The following SYNPR variants were observed in gnomAD, a reference collection of about 807,000 sequenced individuals.
The protein encoded by SYNPR is synaptoporin.
A neutral mutation model predicts 32.9 loss-of-function variants in SYNPR; 23 were observed. The observed-to-expected ratio is 0.70, with a 90% CI of 0.50 to 0.99. The LOEUF (loss-of-function observed/expected upper bound fraction) is 0.99. Among genes scored for constraint, SYNPR ranks in the 50% least tolerant of loss-of-function variants. The probability of loss-of-function intolerance (pLI) is 0.00; values close to 1 mark genes in which losing one functional copy is unlikely to be tolerated. For synonymous variants in SYNPR, 146 were observed against 135.9 expected (o/e 1.07, Z -0.52); for missense variants, 318 against 349.3 (o/e 0.91, Z 0.71).
chr3:63,510,693 G>C (rs12053826), intron 3 of SYNPR, among the ~76,000 whole-genome samples: 3 of 152,080 alleles, frequency 2.0e-5, no homozygotes, highest in African/African-American at 4.8e-5. Context: ...CTCTCAAGGC[G>C]TGTGAATTTT....
chr3:63,350,045 T>A (rs908156512), intron 2 of SYNPR, among the ~76,000 whole-genome samples: 6 of 152,212 alleles, frequency 3.9e-5, no homozygotes, highest in African/African-American at 1.4e-4. Context: ...AAACTAAAGC[T>A]AACTGATAAG....
chr3:63,442,246 G>C (rs1332066351), intron 2 of SYNPR, among the ~76,000 whole-genome samples: 3 of 127,224 alleles, frequency 2.4e-5, no homozygotes, highest in South Asian at 2.7e-4. Flanking sequence ...AGATAGGAAG[G>C]AAAGCGAGAG....
intron 4 of SYNPR, among the ~76,000 whole-genome samples, chr3:63,577,948 T>C (rs949226217): frequency 6.6e-6 from 1 of 152,104 alleles, no homozygotes; most frequent in African/African-American, 2.4e-5. Flanking sequence ...TATTACGAGG[T>C]AATGGCAACA....
intron 1 of SYNPR, among the ~76,000 whole-genome samples, chr3:63,234,656 G>T (rs1479762009): frequency 6.6e-6 from 1 of 152,306 alleles, no homozygotes. Flanking sequence ...GAAAGAAGTA[G>T]ACTTTCTAAG....
chr3:63,581,774 C>G (rs1302790732), intron 4 of SYNPR, among the ~76,000 whole-genome samples: 1 of 151,850 alleles, frequency 6.6e-6, no homozygotes, highest in Non-Finnish European at 1.5e-5. Flanking sequence ...TACTTTGACT[C>G]TTGCTGGTTT....
At chr3:63,251,487 G>A (rs1355855686) in intron 1 of SYNPR, among the ~76,000 whole-genome samples, 4 of 152,134 alleles carry the variant, frequency 2.6e-5, no homozygotes, top group South Asian at 2.1e-4. Context: ...CCTGGAAAAT[G>A]ACAAGATCCA....
At chr3:63,375,979 T>G (rs2107060517) in intron 2 of SYNPR, among the ~76,000 whole-genome samples, 1 of 152,316 alleles carries the variant, frequency 6.6e-6, no homozygotes, top group African/African-American at 2.4e-5. Context: ...TGTCAGTAAG[T>G]AGCACCACCA....
chr3:63,255,783 C>T (rs1339237183), intron 2 of SYNPR, among the ~76,000 whole-genome samples: 1 of 151,940 alleles, frequency 6.6e-6, no homozygotes, highest in Non-Finnish European at 1.5e-5. Context: ...CGAGTGTGAG[C>T]AGGAAGTGCA....
At chr3:63,322,358 CT>C (rs1253217256) in intron 2 of SYNPR, among the ~76,000 whole-genome samples, 41 of 152,044 alleles carry the variant, frequency 2.7e-4, no homozygotes, top group Admixed American at 2.7e-3. Flanking sequence ...ACTTATTAAT[CT>C]CCCATAGATG....
At chr3:63,544,718 G>GT (rs1440993416) in intron 3 of SYNPR, among the ~76,000 whole-genome samples, 2 of 152,050 alleles carry the variant, frequency 1.3e-5, no homozygotes, top group African/African-American at 2.4e-5. Flanking sequence ...TTCTAAAAGA[G>GT]TTTGGATTTT....
intron 2 of SYNPR, among the ~76,000 whole-genome samples, chr3:63,474,708 G>T (rs1293769072): frequency 6.6e-6 from 1 of 152,130 alleles, no homozygotes; most frequent in African/African-American, 2.4e-5. Flanking sequence ...ACTCAACTTA[G>T]TGGTACCAAC....
intron 2 of SYNPR, among the ~76,000 whole-genome samples, chr3:63,394,647 G>C (rs1367218012): frequency 6.6e-6 from 1 of 152,052 alleles, no homozygotes; most frequent in Non-Finnish European, 1.5e-5. Flanking sequence ...ATGCTCCCCA[G>C]ATATCCCTAA....
chr3:63,522,161 G>A (rs1701928963), intron 3 of SYNPR, among the ~76,000 whole-genome samples: 1 of 152,220 alleles, frequency 6.6e-6, no homozygotes, highest in African/African-American at 2.4e-5. Context: ...GCTGAGCACA[G>A]ATGAGCACAG....
At chr3:63,462,458 A>G (rs1700601757) in intron 2 of SYNPR, among the ~76,000 whole-genome samples, 1 of 152,138 alleles carries the variant, frequency 6.6e-6, no homozygotes. Flanking sequence ...ATGTCTGCAT[A>G]CCTCTGATAA....
At chr3:63,421,732 T>G (rs1046735142) in intron 2 of SYNPR, among the ~76,000 whole-genome samples, 1 of 152,170 alleles carries the variant, frequency 6.6e-6, no homozygotes, top group African/African-American at 2.4e-5. Flanking sequence ...ATCTGAGGCT[T>G]TAGGTCCTCT....
At chr3:63,468,515 A>ACACACACACACACACACACACAC (rs1559508057) in intron 2 of SYNPR, among the ~76,000 whole-genome samples, 1 of 151,842 alleles carries the variant, frequency 6.6e-6, no homozygotes, top group African/African-American at 2.4e-5. Context: ...ACACACACAC[A>ACACACACACACACACACACACAC]AATGCTTAAG....
chr3:63,343,923 G>A (rs562959820), intron 2 of SYNPR, among the ~76,000 whole-genome samples: 4 of 152,306 alleles, frequency 2.6e-5, no homozygotes, highest in African/African-American at 4.8e-5. Context: ...TGTCTATGCC[G>A]GAAACGGCTT....
chr3:63,225,399 A>C (rs949328539), upstream of SYNPR, among the ~76,000 whole-genome samples: 2 of 152,176 alleles, frequency 1.3e-5, no homozygotes, highest in East Asian at 1.9e-4. Context: ...TCTCACTGCT[A>C]TCTGGCTGGC....
chr3:63,443,352 G>A (rs914505668), intron 2 of SYNPR: 1 of 1,541,056 alleles, frequency 6.5e-7, no homozygotes. Context: ...GGGACAAGTG[G>A]CTGGTGCTGT....
Sources: gnomAD v4.1 joint callset for allele counts (sites outside exome capture counted in the v4.1 genomes callset) on GRCh38, gnomAD v4.1.1 for gene constraint, MANE v1.5 for transcripts, NCBI Gene and HGNC (gene_info 2026-07-23, HGNC 2026-07-21) for gene names.